SPRY4: variants seen among roughly 807,000 people sequenced by gnomAD.
SPRY4 encodes sprouty RTK signaling antagonist 4.
In SPRY4, 7 loss-of-function variants were observed where a neutral mutation model predicts 17.0. The observed-to-expected ratio is 0.41, with a 90% CI of 0.23 to 0.77. The LOEUF (loss-of-function observed/expected upper bound fraction) is 0.77, where lower values mean the gene tolerates loss of function less well. Among genes scored for constraint, SPRY4 ranks in the 30% least tolerant of loss-of-function variants. The pLI is 0.32. For synonymous variants in SPRY4, 183 were observed against 174.1 expected (o/e 1.05, Z -0.40); for missense variants, 435 against 419.9 (o/e 1.04, Z -0.31).
chr5:142,315,202 C>T, intron 1 of SPRY4, 47 bp from the exon 2 acceptor site: 1 of 1,285,400 alleles, frequency 7.8e-7, no homozygotes, highest in Non-Finnish European at 1.1e-6. Context: ...TTCCAGGCAT[C>T]AGTATGTGGC....
intron 1 of SPRY4, among the ~76,000 whole-genome samples, chr5:142,321,495 C>T (rs941180622): frequency 6.6e-6 from 1 of 152,230 alleles, no homozygotes; most frequent in African/African-American, 2.4e-5. Context: ...ACTGCTTTCT[C>T]CTTTCAGGGA....
At chr5:142,322,749 G>A (rs570584873) in intron 1 of SPRY4, among the ~76,000 whole-genome samples, 9 of 152,232 alleles carry the variant, frequency 5.9e-5, no homozygotes, top group African/African-American at 1.7e-4. Flanking sequence ...CACTGTAACT[G>A]ACCAATATTT....
At chr5:142,322,755 T>C (rs1294005898) in intron 1 of SPRY4, among the ~76,000 whole-genome samples, 3 of 152,152 alleles carry the variant, frequency 2.0e-5, no homozygotes, top group Non-Finnish European at 1.5e-5. Flanking sequence ...AACTGACCAA[T>C]ATTTGTCCAT....
chr5:142,318,442 C>T (rs1759233357), intron 1 of SPRY4, among the ~76,000 whole-genome samples: 1 of 151,344 alleles, frequency 6.6e-6, no homozygotes, highest in African/African-American at 2.4e-5. Flanking sequence ...GCCAATATCG[C>T]ACCACTGCAC....
chr5:142,323,453 G>T lies in SPRY4; in HGVS notation c.-48+1391C>A, dbSNP rs538232387. Among the ~76,000 whole-genome samples the T allele has an allele frequency of 2.1e-4, 32 of 152,298 alleles. No homozygotes were observed. In the South Asian group the frequency reaches 6.0e-3, roughly 29 times the overall value. On this transcript the variant is annotated intron_variant, in intron 1 of 1. Coordinates refer to ENST00000434127, the MANE Select transcript of SPRY4 (RefSeq NM_001127496.3). ...CTTCTTTCCAGCACTAACCGCGCTGGGGGGTACGGAAGCCTTGCTGCGCCA... is the reference window on the plus strand; with the variant it reads ...CTTCTTTCCAGCACTAACCGCGCTGTGGGGTACGGAAGCCTTGCTGCGCCA...
At chr5:142,319,721 T>C (rs1376271305) in intron 1 of SPRY4, 1 of 1,610,846 alleles carries the variant, frequency 6.2e-7, no homozygotes, top group Admixed American at 1.7e-5. Context: ...AACCAGCCAG[T>C]CTGACACTCA....
At position 142,311,459 on chromosome 5, in the gene SPRY4, G is replaced by A. The variant is rs907903974; in HGVS notation, c.*2750C>T. The A allele has an allele frequency of 2.0e-5, 3 of 152,282 alleles. No individual in the cohort carries two copies. The highest frequency in any genetic ancestry group is 7.2e-5 in the African/African-American group (3 of 41,444). 9.4% of individuals were successfully genotyped at this position (152,282 alleles called of 1,614,324 possible). A position where few individuals can be genotyped will look rare whatever the true frequency, so the allele number is the denominator to read the frequency against. On this transcript the variant is annotated 3_prime_UTR_variant, in exon 2 of 2. Transcript: ENST00000434127. ...TGACAGGAAACACACTCAGCCAGAA[G>A]CAGCTACACATGTGTGTTGTGTCTC...
chr5:142,320,316 C>T (rs903203883), intron 1 of SPRY4, among the ~76,000 whole-genome samples: 7 of 152,046 alleles, frequency 4.6e-5, no homozygotes, highest in African/African-American at 1.7e-4. Context: ...GTCTATGAAT[C>T]TTTCTTCCTT....
chr5:142,312,696 A>C lies in SPRY4; in HGVS notation c.*1513T>G, dbSNP rs1596860431. The C allele has an allele frequency of 1.3e-5, 2 of 152,610 alleles. No homozygotes were observed. 9.5% of individuals were successfully genotyped at this position (152,610 alleles called of 1,614,324 possible). Reference sequence around the variant, plus strand: ...ACCACACAAAGCAAGAACCCCACACAAAAGCTGGGGAGGAAGGACCAGATA... The same window carrying C: ...ACCACACAAAGCAAGAACCCCACACCAAAGCTGGGGAGGAAGGACCAGATA... On this transcript the variant is annotated 3_prime_UTR_variant, in exon 2 of 2. Coordinates refer to ENST00000434127, the MANE Select transcript of SPRY4 (RefSeq NM_001127496.3).
In SPRY4 at chr5:142,313,938, T is replaced by A. The variant is rs1157076320; in HGVS notation, c.*271A>T. The A allele has an allele frequency of 2.2e-6, 1 of 451,712 alleles. No individual in the cohort carries two copies. The highest frequency in any genetic ancestry group is 4.0e-6 in the Non-Finnish European group (1 of 251,950). 28.0% of individuals were successfully genotyped at this position (451,712 alleles called of 1,614,324 possible). A position where few individuals can be genotyped will look rare whatever the true frequency, so the allele number is the denominator to read the frequency against. On this transcript the variant is annotated 3_prime_UTR_variant, in exon 2 of 2. Coordinates refer to ENST00000434127, the MANE Select transcript of SPRY4 (RefSeq NM_001127496.3). ...GTTCTGTCTTCTGAAAAAGAAAAAT[T>A]TCCCCCCAAACCACACCCTGCCCCT...
chr5:142,317,181 T>C, intron 1 of SPRY4: 2 of 985,442 alleles, frequency 2.0e-6, no homozygotes, highest in South Asian at 9.4e-5. Flanking sequence ...GAGAGGAGTT[T>C]TTCCAAGGAT....
intron 1 of SPRY4, among the ~76,000 whole-genome samples, chr5:142,323,365 G>A (rs1333392510): frequency 6.6e-6 from 1 of 152,130 alleles, no homozygotes; most frequent in Non-Finnish European, 1.5e-5. Context: ...AGAGAATCAC[G>A]CCACTGATTT....
At chr5:142,321,132 C>T (rs967469729) in intron 1 of SPRY4, among the ~76,000 whole-genome samples, 2 of 152,204 alleles carry the variant, frequency 1.3e-5, no homozygotes, top group African/African-American at 2.4e-5. Context: ...CCCCAGACCC[C>T]GAGAGCCAAG....
In SPRY4 at chr5:142,314,464, A is replaced by G; in HGVS notation, c.645T>C (p.Asp215=). ...GIFYHCTNED[D]EGSCADHPCS... is the part of the protein sequence containing the mutation. ...AGGGGTGGTCAGCGCAGGAGCCCTCATCGTCCTCATTCGTGCAGTGGTAGA... is the reference window on the plus strand; with the variant it reads ...AGGGGTGGTCAGCGCAGGAGCCCTCGTCGTCCTCATTCGTGCAGTGGTAGA... Residue 215 remains aspartate (D), a synonymous_variant, in exon 2 of 2, where the codon GAT becomes GAC. Transcript: ENST00000434127. The surrounding 1 kb of genome is among the most constrained non-coding windows in gnomAD (Gnocchi z 4.8). 1 of 1,614,144 alleles carries G rather than the reference A, an allele frequency of 6.2e-7. No individual in the cohort carries two copies.
intron 1 of SPRY4, among the ~76,000 whole-genome samples, chr5:142,316,209 G>C (rs895897052): frequency 6.6e-6 from 1 of 152,048 alleles, no homozygotes; most frequent in African/African-American, 2.4e-5. Context: ...TAATTTCACC[G>C]AGAGAGTGCA....
chr5:142,313,182 CCA>C lies in SPRY4; in HGVS notation c.*1025_*1026del, dbSNP rs1179982684. Reference sequence around the variant, plus strand: ...TTGTGTTCCTTGAGGTTGCTCGCCCCCAGATTTTGAAATCAGCCCTTCCTGGG... The same window carrying C: ...TTGTGTTCCTTGAGGTTGCTCGCCCCGATTTTGAAATCAGCCCTTCCTGGG... On this transcript the variant is annotated 3_prime_UTR_variant, in exon 2 of 2. Coordinates refer to ENST00000434127, the MANE Select transcript of SPRY4 (RefSeq NM_001127496.3). 1 of 152,504 alleles carries C rather than the reference CCA, an allele frequency of 6.6e-6. No homozygotes were observed. The highest frequency in any genetic ancestry group is 1.5e-5 in the Non-Finnish European group (1 of 68,022). 9.4% of individuals were successfully genotyped at this position (152,504 alleles called of 1,614,324 possible).
rs796127789 is a variant in SPRY4, at chr5:142,313,249, T to A, written c.*960A>T. ...AACAAGTTGTTTTATTATTATTTTTTAAAACACCGTTAGCATCCGGTTTAA... is the reference window on the plus strand; with the variant it reads ...AACAAGTTGTTTTATTATTATTTTTAAAAACACCGTTAGCATCCGGTTTAA... On this transcript the variant is annotated 3_prime_UTR_variant, in exon 2 of 2. Coordinates refer to ENST00000434127, the MANE Select transcript of SPRY4 (RefSeq NM_001127496.3). 2.6e-5 allele frequency: 4 copies of A among 152,746 alleles called. No homozygotes were observed. Among genetic ancestry groups the A allele is most frequent in the African/African-American group, 9.6e-5 (4 of 41,570 alleles). 9.5% of individuals were successfully genotyped at this position (152,746 alleles called of 1,614,324 possible).
In SPRY4 at chr5:142,314,429, G is replaced by A. The variant is rs370157457; in HGVS notation, c.680C>T (p.Ser227Phe). 2 of 1,613,980 alleles carry A rather than the reference G, an allele frequency of 1.2e-6. No homozygotes were observed. The highest frequency in any genetic ancestry group is 2.2e-5 in the East Asian group (1 of 44,876). ...GSCADHPCSC[S>F]RSNCCARWSF... ...CCAGCGGGCGCAGCAGTTGGAGCGG[G>A]AGCAGGAGCAGGGGTGGTCAGCGCA... The change falls in exon 2 of 2, where the codon TCC becomes TTC. Residue 227 changes from serine (S) to phenylalanine (F), a missense_variant. Physicochemically the swap from Ser to Phe is radical, Grantham distance 155. Coordinates refer to ENST00000434127, the MANE Select transcript of SPRY4 (RefSeq NM_001127496.3). This position sits in a 1 kb window ranked among gnomAD's most constrained non-coding sequence, Gnocchi z 4.8.
chr5:142,322,483 A>AAAAAAAATAT (rs79291595), intron 1 of SPRY4, among the ~76,000 whole-genome samples: 5 of 117,546 alleles, frequency 4.3e-5, no homozygotes, highest in African/African-American at 1.1e-4. Context: ...AAAAAAAAAA[A>AAAAAAAATAT]ATATATATAT....
Sources: gnomAD v4.1 joint callset for allele counts (sites outside exome capture counted in the v4.1 genomes callset) on GRCh38, gnomAD v4.1.1 for gene constraint, Gnocchi (gnomAD v3.1) non-coding constraint, MANE v1.5 for transcripts, NCBI Gene and HGNC (gene_info 2026-07-23, HGNC 2026-07-21) for gene names.